WIPF1: variants seen among roughly 807,000 people sequenced by gnomAD.
WIPF1 encodes the protein WAS/WASL interacting protein family member 1.
WIPF1 carries 13 observed loss-of-function variants against 35.4 expected under a neutral mutation model. That is an observed-to-expected ratio of 0.37 (90% CI 0.24 to 0.58). WIPF1 has a LOEUF of 0.58. Ranked by LOEUF, WIPF1 falls within the 20% of genes least tolerant of loss-of-function variation. The probability of loss-of-function intolerance (pLI) is 0.74; values close to 1 mark genes in which losing one functional copy is unlikely to be tolerated. For missense variants in WIPF1, 591 were observed against 667.0 expected, an observed-to-expected ratio of 0.89 and a Z score of 1.25; for synonymous variants, 267 against 266.3, an observed-to-expected ratio of 1.00 and a Z score of -0.02.
intron 1 of WIPF1, among the ~76,000 whole-genome samples, chr2:174,645,311 T>C (rs1005069704): frequency 2.0e-5 from 3 of 152,234 alleles, no homozygotes; most frequent in South Asian, 2.1e-4. Flanking sequence ...AAATTGGAAT[T>C]TGAACCCGTT....
At chr2:174,563,744 C>A (rs1331458247) in intron 7 of WIPF1, among the ~76,000 whole-genome samples, 5 of 152,162 alleles carry the variant, frequency 3.3e-5, no homozygotes, top group Admixed American at 3.3e-4. Context: ...CTAACTGGGG[C>A]ATGTGTCAAT....
At chr2:174,573,968 C>A (rs535185448) in intron 4 of WIPF1, among the ~76,000 whole-genome samples, 1 of 150,720 alleles carries the variant, frequency 6.6e-6, no homozygotes, top group East Asian at 2.0e-4. Context: ...CGGCTCATTG[C>A]AGCTTCAACT....
intron 1 of WIPF1, among the ~76,000 whole-genome samples, chr2:174,662,336 C>G (rs184427724): frequency 6.6e-6 from 1 of 152,184 alleles, no homozygotes; most frequent in African/African-American, 2.4e-5. Flanking sequence ...GGCTGGACTG[C>G]GGATGTAGAG....
intron 1 of WIPF1, among the ~76,000 whole-genome samples, chr2:174,621,387 A>G (rs1370559057): frequency 1.3e-5 from 2 of 152,200 alleles, no homozygotes; most frequent in Non-Finnish European, 1.5e-5. Flanking sequence ...AGTGAATGAA[A>G]TATCCAGAAA....
In WIPF1 at chr2:174,582,449, CAGCCCT is replaced by C. The variant is rs1290575508; in HGVS notation, c.52-1016_52-1011del. 7.9e-5 allele frequency among the ~76,000 whole-genome samples: 12 copies of C among 152,348 alleles called. No individual in the cohort carries two copies. The East Asian group carries it at 1.5e-3, about 20-fold the overall frequency. ...CCACAGGTCCTTTCTAGGCTGGCCC[CAGCCCT>C]TCTGACAGGGATATGATTTCAGATT... On this transcript the variant is annotated intron_variant, in intron 2 of 7. Transcript: ENST00000679041.
chr2:174,664,863 G>A (rs1464096719), intron 1 of WIPF1, among the ~76,000 whole-genome samples: 1 of 152,042 alleles, frequency 6.6e-6, no homozygotes, highest in Admixed American at 6.6e-5. Context: ...AAACTCCTGG[G>A]CTCAAGTGAT....
At chr2:174,574,627 T>C (rs1684985769) in intron 4 of WIPF1, 1 of 418,768 alleles carries the variant, frequency 2.4e-6, no homozygotes, top group Non-Finnish European at 4.3e-6. Flanking sequence ...GCAAGTTCAG[T>C]TTTTTTCTAC....
In WIPF1 at chr2:174,560,199, T is replaced by G. The variant is rs1390071854; in HGVS notation, c.*2348A>C. On this transcript the variant is annotated 3_prime_UTR_variant, in exon 8 of 8. Transcript: ENST00000679041. ...CACAGAACTTATTCATAGTTTTAGATGCAATTAGGTTGCAAACTTTCAAAG... is the reference window on the plus strand; with the variant it reads ...CACAGAACTTATTCATAGTTTTAGAGGCAATTAGGTTGCAAACTTTCAAAG... 3 of 152,628 alleles carry G rather than the reference T, an allele frequency of 2.0e-5. No homozygotes were observed. Among genetic ancestry groups the G allele is most frequent in the Non-Finnish European group, 4.4e-5 (3 of 68,006 alleles). 9.5% of individuals were successfully genotyped at this position (152,628 alleles called of 1,614,324 possible). A position where few individuals can be genotyped will look rare whatever the true frequency, so the allele number is the denominator to read the frequency against.
chr2:174,677,157 A>AT (rs1264081413), intron 1 of WIPF1: 2 of 152,106 alleles, frequency 1.3e-5, no homozygotes, highest in Non-Finnish European at 2.9e-5. Context: ...GTCTCAAAAA[A>AT]AAAAAAGTCA....
At chr2:174,649,174 G>A (rs1207715484) in intron 1 of WIPF1, among the ~76,000 whole-genome samples, 1 of 152,188 alleles carries the variant, frequency 6.6e-6, no homozygotes, top group Non-Finnish European at 1.5e-5. Context: ...TACTAGGGGT[G>A]ATTCCAGCCT....
rs572943309 is a variant in WIPF1, at chr2:174,579,372, G to A, written c.181+1938C>T. On this transcript the variant is annotated intron_variant, in intron 3 of 7. Coordinates refer to ENST00000679041, the MANE Select transcript of WIPF1 (RefSeq NM_001375834.1). ...AAGAGAAGCTAAAGCTGAGGATTAA[G>A]CTTTCAGATTATTTTTTCAGTAATT... is the stretch of plus-strand genomic sequence containing the variant. Among the ~76,000 whole-genome samples the A allele has an allele frequency of 1.8e-3, 280 of 152,320 alleles. 1 individual carries two copies. Among genetic ancestry groups the A allele is most frequent in the South Asian group, 3.5e-3 (17 of 4,832 alleles).
At chr2:174,666,699 G>A (rs1462522412) in intron 1 of WIPF1, among the ~76,000 whole-genome samples, 1 of 152,250 alleles carries the variant, frequency 6.6e-6, no homozygotes, top group East Asian at 1.9e-4. Flanking sequence ...CATCATCCAG[G>A]TTTAAGGCAA....
intron 1 of WIPF1, among the ~76,000 whole-genome samples, chr2:174,616,637 TA>T (rs1488957984): frequency 6.6e-6 from 1 of 152,190 alleles, no homozygotes; most frequent in Non-Finnish European, 1.5e-5. Flanking sequence ...TTTGAGCGTT[TA>T]AAAATATTCT....
chr2:174,626,760 T>C (rs1686846245), intron 1 of WIPF1, among the ~76,000 whole-genome samples: 1 of 152,240 alleles, frequency 6.6e-6, no homozygotes. Flanking sequence ...TGCTAACCCT[T>C]GTCCATGGCA....
chr2:174,582,642 C>T (rs763754200), intron 2 of WIPF1, among the ~76,000 whole-genome samples: 23 of 152,194 alleles, frequency 1.5e-4, no homozygotes, highest in Non-Finnish European at 4.4e-5. Flanking sequence ...AATACAGCCT[C>T]GAACTCTTGG....
chr2:174,607,411 TA>T (rs947553595), intron 1 of WIPF1, among the ~76,000 whole-genome samples: 39 of 151,720 alleles, frequency 2.6e-4, no homozygotes, highest in African/African-American at 8.5e-4. Context: ...TCAAAAAAAA[TA>T]AAATAAAATA....
At position 174,661,378 on chromosome 2, in the gene WIPF1, C is replaced by A. The variant is rs369621836; in HGVS notation, c.-39+21396G>T. Among the ~76,000 whole-genome samples the A allele has an allele frequency of 2.6e-3, 400 of 152,202 alleles. 4 individuals carry two copies. The highest frequency in any genetic ancestry group is 5.0e-3 in the South Asian group (24 of 4,816). On this transcript the variant is annotated intron_variant, in intron 1 of 8. Coordinates refer to the WIPF1 transcript ENST00000272746. ...GCCCTTGCCTACACCTCTGGCATGG[C>A]CCCCACCCCTCTCCCCACAGCCACA...
At chr2:174,572,518 T>G in intron 4 of WIPF1, 72 bp from the exon 5 acceptor site, 1 of 1,582,250 alleles carries the variant, frequency 6.3e-7, no homozygotes, top group Non-Finnish European at 8.6e-7. Flanking sequence ...TAGAGTCTGT[T>G]CCCAGTGACT....
rs766635189 is a variant in WIPF1, at chr2:174,571,222, G to A, written c.1129+454C>T. ...TAGGGAAATGGCCTCAAAGCCTGGC[G>A]AATGAAGAGAGAAGTACAGGAGAAG... On this transcript the variant is annotated intron_variant, in intron 5 of 7. Coordinates refer to ENST00000679041, the MANE Select transcript of WIPF1 (RefSeq NM_001375834.1). The surrounding 1 kb of genome is among the most constrained non-coding windows in gnomAD (Gnocchi z 4.6). 6.2e-5 allele frequency: 17 copies of A among 273,514 alleles called. No homozygotes were observed. In the Admixed American group the frequency reaches 6.8e-4, roughly 11 times the overall value. The allele number at this position is 273,514 out of a possible 1,614,324, so 16.9% of individuals were successfully genotyped here. A position where few individuals can be genotyped will look rare whatever the true frequency, so the allele number is the denominator to read the frequency against.
Sources: gnomAD v4.1 joint callset for allele counts (sites outside exome capture counted in the v4.1 genomes callset) on GRCh38, gnomAD v4.1.1 for gene constraint, Gnocchi (gnomAD v3.1) non-coding constraint, MANE v1.5 for transcripts, NCBI Gene and HGNC (gene_info 2026-07-23, HGNC 2026-07-21) for gene names.